Variants in DUSP13B observed in about 807,000 individuals in gnomAD.
DUSP13B encodes dual specificity protein phosphatase 13B.
the DUSP13B span, chr10:75,109,142 G>A: frequency 3.7e-6 from 6 of 1,600,384 alleles, no homozygotes; most frequent in Non-Finnish European, 4.3e-6. Context: ...AGCTCTGGGA[G>A]AGAGGTCTCA....
At chr10:75,105,901 CCA>C in the DUSP13B span, 1 of 1,536,292 alleles carries the variant, frequency 6.5e-7, no homozygotes, top group Non-Finnish European at 8.8e-7. Flanking sequence ...AAACCCTGTC[CCA>C]CACACCGGCC....
the DUSP13B span, chr10:75,099,232 G>A: frequency 1.6e-6 from 2 of 1,232,280 alleles, no homozygotes; most frequent in Non-Finnish European, 2.0e-6. Flanking sequence ...ACTAGGGAAG[G>A]TGCATACTGG....
chr10:75,108,768 T>C, the DUSP13B span, among the ~76,000 whole-genome samples: 1 of 152,166 alleles, frequency 6.6e-6, no homozygotes, highest in African/African-American at 2.4e-5. Context: ...TGGAAATGTT[T>C]CCTGGAACTC....
chr10:75,096,359 T>C, the DUSP13B span, among the ~76,000 whole-genome samples: 1 of 152,008 alleles, frequency 6.6e-6, no homozygotes, highest in Non-Finnish European at 1.5e-5. Context: ...GGAGGATTCA[T>C]TGAGCTCAGG....
At chr10:75,099,339 G>A in the DUSP13B span, 1 of 1,232,242 alleles carries the variant, frequency 8.1e-7, no homozygotes, top group Non-Finnish European at 1.0e-6. Context: ...CCCAGTGGGA[G>A]GCTGTCGGGC....
chr10:75,102,940 G>A, the DUSP13B span, among the ~76,000 whole-genome samples: 19 of 152,158 alleles, frequency 1.2e-4, no homozygotes, highest in African/African-American at 3.4e-4. Flanking sequence ...CAACAAGAAC[G>A]AAACTCCGTC....
chr10:75,097,505 C>T, the DUSP13B span, among the ~76,000 whole-genome samples: 4 of 152,196 alleles, frequency 2.6e-5, no homozygotes, highest in East Asian at 3.8e-4. Flanking sequence ...CCACCGCACC[C>T]GGCCCTGTGC....
chr10:75,101,204 G>C, the DUSP13B span, among the ~76,000 whole-genome samples: 17 of 152,188 alleles, frequency 1.1e-4, no homozygotes, highest in Non-Finnish European at 2.4e-4. Context: ...TCTCAGGTCT[G>C]GTACTTGCAG....
the DUSP13B span, among the ~76,000 whole-genome samples, chr10:75,100,424 C>G: frequency 2.0e-5 from 3 of 152,206 alleles, no homozygotes; most frequent in African/African-American, 7.2e-5. Flanking sequence ...CGGCCACCCC[C>G]CCAGGGACTC....
At chr10:75,102,871 GA>G in the DUSP13B span, among the ~76,000 whole-genome samples, 7 of 152,156 alleles carry the variant, frequency 4.6e-5, no homozygotes, top group African/African-American at 1.7e-4. Flanking sequence ...AGAATCATTT[GA>G]ACCCGGGAGG....
the DUSP13B span, chr10:75,105,977 A>G: frequency 9.9e-7 from 1 of 1,010,466 alleles, no homozygotes; most frequent in Non-Finnish European, 1.5e-6. Context: ...GCACTCTGTG[A>G]TCCTGAGCAA....
chr10:75,105,911 GC>G, the DUSP13B span: 1 of 1,526,544 alleles, frequency 6.6e-7, no homozygotes, highest in Non-Finnish European at 8.9e-7. Context: ...CCACACACCG[GC>G]CCACCCACGG....
chr10:75,103,793 G>T, the DUSP13B span: 1 of 949,422 alleles, frequency 1.1e-6, no homozygotes, highest in Non-Finnish European at 1.4e-6. Context: ...CAAATATCTG[G>T]AACCCCCTTC....
the DUSP13B span, chr10:75,099,175 G>A: frequency 3.3e-6 from 4 of 1,229,828 alleles, no homozygotes; most frequent in Non-Finnish European, 4.1e-6. Flanking sequence ...CCGTGTTGGA[G>A]AGGGGGTCCT....
At chr10:75,101,351 A>G in the DUSP13B span, among the ~76,000 whole-genome samples, 1 of 152,140 alleles carries the variant, frequency 6.6e-6, no homozygotes, top group Non-Finnish European at 1.5e-5. Context: ...TCTTACTATT[A>G]TTATCACTAC....
the DUSP13B span, chr10:75,108,196 T>A: frequency 6.2e-7 from 1 of 1,605,358 alleles, no homozygotes; most frequent in South Asian, 1.1e-5. Context: ...TCAAAGCGGT[T>A]GTTTGCCGTG....
At chr10:75,097,800 C>T in the DUSP13B span, 10 of 1,613,768 alleles carry the variant, frequency 6.2e-6, no homozygotes, top group Non-Finnish European at 8.5e-6. Flanking sequence ...TGCAGCGAAG[C>T]CAATGTGGGC....
the DUSP13B span, among the ~76,000 whole-genome samples, chr10:75,098,820 G>C: frequency 6.6e-6 from 1 of 152,172 alleles, no homozygotes; most frequent in South Asian, 2.1e-4. Context: ...TTTTACCCAG[G>C]AGGAAGCTGA....
chr10:75,094,677 C>A, the DUSP13B span: 1 of 1,613,528 alleles, frequency 6.2e-7, no homozygotes, highest in South Asian at 1.1e-5. Flanking sequence ...CCTGCCAGAT[C>A]AGAACCGCCC....
Sources: gnomAD v4.1 joint callset for allele counts (sites outside exome capture counted in the v4.1 genomes callset) on GRCh38, gnomAD v4.1.1 for gene constraint, MANE v1.5 for transcripts, NCBI Gene and HGNC (gene_info 2026-07-23, HGNC 2026-07-21) for gene names.